Variants in PLSCR5 observed in about 807,000 individuals in gnomAD.
PLSCR5 encodes phospholipid scramblase family, member 5.
In PLSCR5, 44 loss-of-function variants were observed where a neutral mutation model predicts 33.6. The observed-to-expected ratio is 1.31, with a 90% CI of 1.03 to 1.69. The LOEUF (loss-of-function observed/expected upper bound fraction) is 1.69, where lower values mean the gene tolerates loss of function less well. Ranked by LOEUF, PLSCR5 falls within the 40% of genes most tolerant of loss-of-function variation. The pLI, the probability that PLSCR5 is intolerant of heterozygous loss-of-function variation, is 0.00. For synonymous variants in PLSCR5, 148 were observed against 112.3 expected, an observed-to-expected ratio of 1.32 and a Z score of -2.01; for missense variants, 375 against 318.7, an observed-to-expected ratio of 1.18 and a Z score of -1.34.
chr3:146,585,108 A>C (rs1264947206), downstream of PLSCR5, among the ~76,000 whole-genome samples: 1 of 152,070 alleles, frequency 6.6e-6, no homozygotes, highest in African/African-American at 2.4e-5. Context: ...TAACTAGTGG[A>C]TAGTAATCAG....
Position 146,589,679 on chromosome 3 carries a change from C to A in PLSCR5, c.751G>T (p.Ala251Ser). Residue 251 changes from alanine (A) to serine (S), a missense_variant, in exon 6 of 8, where the codon GCA becomes TCA. Transcript: ENST00000443512. ...PADLDVTVKA[A>S]MIGACFLFDF... ...AAGAGAAAACAGGCACCGATCATTGCTGCTTTGACTGTTACATCTAGATCT... is the reference window on the plus strand; with the variant it reads ...AAGAGAAAACAGGCACCGATCATTGATGCTTTGACTGTTACATCTAGATCT... The A allele has an allele frequency of 1.9e-6, 3 of 1,598,068 alleles. No individual in the cohort carries two copies. The South Asian group carries it at 3.4e-5, about 18-fold the overall frequency.
At chr3:146,588,468 C>T (rs1168386521) in intron 6 of PLSCR5, among the ~76,000 whole-genome samples, 1 of 151,950 alleles carries the variant, frequency 6.6e-6, no homozygotes. Flanking sequence ...GAGACTCTAT[C>T]TCAAAAAATA....
intron 1 of PLSCR5, among the ~76,000 whole-genome samples, 170 bp from the exon 2 acceptor site, chr3:146,600,633 A>C (rs1194470531): frequency 6.6e-6 from 1 of 152,032 alleles, no homozygotes; most frequent in Non-Finnish European, 1.5e-5. Context: ...TTGTCCCCTA[A>C]GTTAGAAAAA....
intron 7 of PLSCR5, among the ~76,000 whole-genome samples, chr3:146,578,585 T>G (rs2044614059): frequency 6.6e-6 from 1 of 152,138 alleles, no homozygotes. Context: ...ATCTGTCAAG[T>G]TACTTAACCT....
intron 1 of PLSCR5, among the ~76,000 whole-genome samples, chr3:146,600,762 G>T (rs941900658): frequency 6.7e-6 from 1 of 149,400 alleles, no homozygotes; most frequent in East Asian, 1.9e-4. Flanking sequence ...ATAATTACTT[G>T]CATATATATA....
Position 146,593,966 on chromosome 3 carries a change from C to T in PLSCR5, c.407G>A (p.Arg136Lys), listed in dbSNP as rs776175472. The change falls in exon 4 of 8, where the codon AGG becomes AAG. Residue 136 changes from arginine to lysine, a missense_variant. Physicochemically the swap from Arg to Lys is conservative, Grantham distance 26. Coordinates refer to ENST00000443512, the MANE Select transcript of PLSCR5 (RefSeq NM_001085420.2). Reference sequence around the variant, plus strand: ...CCAGCAGCTGTTACATCTCAAGGGCCTGTTCACTGTAATGACCTCTCGACC... The same window carrying T: ...CCAGCAGCTGTTACATCTCAAGGGCTTGTTCACTGTAATGACCTCTCGACC... ...NSGREVITVNRPLRCNSCWCP... is the reference protein window; with the variant it reads ...NSGREVITVNKPLRCNSCWCP... 11 of 1,613,706 alleles carry T rather than the reference C, an allele frequency of 6.8e-6. No individual in the cohort carries two copies. The South Asian group carries it at 1.2e-4, about 18-fold the overall frequency.
At chr3:146,600,580 T>A in intron 1 of PLSCR5, 117 bp from the exon 2 acceptor site, 1 of 1,029,138 alleles carries the variant, frequency 9.7e-7, no homozygotes. Flanking sequence ...CCTCTCATTT[T>A]AATGCCCTTT....
intron 5 of PLSCR5, 70 bp downstream of exon 5, chr3:146,591,650 A>C (rs1352183026): frequency 6.9e-7 from 1 of 1,439,988 alleles, no homozygotes; most frequent in African/African-American, 1.4e-5. Flanking sequence ...TTGAACATAA[A>C]AAAATTGAAT....
chr3:146,578,854 A>C (rs1262776799), intron 7 of PLSCR5, among the ~76,000 whole-genome samples: 1 of 152,106 alleles, frequency 6.6e-6, no homozygotes, highest in African/African-American at 2.4e-5. Context: ...ATTAAATCAA[A>C]AATGCCTTGA....
chr3:146,577,220 T>C (rs970215124), intron 7 of PLSCR5, among the ~76,000 whole-genome samples: 1 of 152,118 alleles, frequency 6.6e-6, no homozygotes, highest in Non-Finnish European at 1.5e-5. Context: ...TGGTTTTATG[T>C]TCTTATCATC....
intron 1 of PLSCR5, among the ~76,000 whole-genome samples, chr3:146,604,802 A>T (rs965265721): frequency 9.2e-5 from 14 of 152,046 alleles, no homozygotes; most frequent in Non-Finnish European, 2.9e-5. Flanking sequence ...TATTTTAATT[A>T]AAAAAATTAT....
At chr3:146,584,959 T>C (rs2044656782), downstream of PLSCR5, among the ~76,000 whole-genome samples, 1 of 152,124 alleles carries the variant, frequency 6.6e-6, no homozygotes, top group Non-Finnish European at 1.5e-5. Flanking sequence ...AGGTGGTATT[T>C]GTGTAAGTCT....
chr3:146,584,025 G>A (rs925971255), downstream of PLSCR5, among the ~76,000 whole-genome samples: 15 of 152,270 alleles, frequency 9.9e-5, no homozygotes, highest in African/African-American at 3.6e-4. Flanking sequence ...TGAAGCAGGA[G>A]TGCTGGGTGG....
At chr3:146,576,892 A>AT (rs903807692) in intron 7 of PLSCR5, among the ~76,000 whole-genome samples, 1 of 152,082 alleles carries the variant, frequency 6.6e-6, no homozygotes, top group Non-Finnish European at 1.5e-5. Context: ...TGAAAGCCAA[A>AT]TTTTGAATCC....
rs183579821 is a variant in PLSCR5, at chr3:146,605,219, G to T, written c.-7C>A. 92 of 1,611,408 alleles carry T rather than the reference G, an allele frequency of 5.7e-5. 1 individual carries two copies. The East Asian group carries it at 1.9e-3, about 34-fold the overall frequency. On this transcript the variant is annotated 5_prime_UTR_variant, in exon 1 of 8. Coordinates refer to ENST00000443512, the MANE Select transcript of PLSCR5 (RefSeq NM_001085420.2). Reference sequence around the variant, plus strand: ...TCTTACCTTTAGAGGCCATGAAGATGTCTGAGTCACTTCTTCAAAGGTTGC... The same window carrying T: ...TCTTACCTTTAGAGGCCATGAAGATTTCTGAGTCACTTCTTCAAAGGTTGC...
intron 6 of PLSCR5, among the ~76,000 whole-genome samples, chr3:146,589,189 A>C (rs952665561): frequency 1.3e-5 from 2 of 152,210 alleles, no homozygotes; most frequent in African/African-American, 4.8e-5. Flanking sequence ...ACTGGTACCT[A>C]TTAACTCATC....
intron 7 of PLSCR5, among the ~76,000 whole-genome samples, chr3:146,577,286 C>A (rs1576813560): frequency 6.6e-6 from 1 of 152,042 alleles, no homozygotes; most frequent in Non-Finnish European, 1.5e-5. Context: ...ATTCTTAGAC[C>A]TACTCACACT....
intron 3 of PLSCR5, 67 bp from the exon 4 acceptor site, chr3:146,594,207 G>A (rs2044739935): frequency 2.7e-6 from 3 of 1,132,034 alleles, no homozygotes; most frequent in East Asian, 2.5e-5. Flanking sequence ...TAAATAAAGG[G>A]GAGATGTTAT....
rs1007085380 is a variant in PLSCR5, at chr3:146,600,552, A to G, written c.14-89T>C. 4.2e-6 allele frequency: 5 copies of G among 1,188,988 alleles called. No individual in the cohort carries two copies. In the African/African-American group the frequency reaches 4.7e-5, roughly 11 times the overall value. The allele number at this position is 1,188,988 out of a possible 1,614,324, so 73.7% of individuals were successfully genotyped here. ...AAGTATTTGTTACTTCTTGATTGATAGGATAGTTTATCTCCTGCCTCTCAT... is the reference window on the plus strand; with the variant it reads ...AAGTATTTGTTACTTCTTGATTGATGGGATAGTTTATCTCCTGCCTCTCAT... On this transcript the variant is annotated intron_variant, in intron 1 of 7. Coordinates refer to ENST00000443512, the MANE Select transcript of PLSCR5 (RefSeq NM_001085420.2).
Sources: gnomAD v4.1 joint callset for allele counts (sites outside exome capture counted in the v4.1 genomes callset) on GRCh38, gnomAD v4.1.1 for gene constraint, MANE v1.5 for transcripts, NCBI Gene and HGNC (gene_info 2026-07-23, HGNC 2026-07-21) for gene names.